Variants in DNAH6 observed in about 807,000 individuals in gnomAD.
DNAH6 encodes dynein axonemal heavy chain 6.
A neutral mutation model predicts 491.4 loss-of-function variants in DNAH6; 340 were observed. That is an observed-to-expected ratio of 0.69 (90% CI 0.63 to 0.76). The LOEUF (loss-of-function observed/expected upper bound fraction) is 0.76, where lower values mean the gene tolerates loss of function less well. Ranked by LOEUF, DNAH6 falls within the 30% of genes least tolerant of loss-of-function variation. The probability of loss-of-function intolerance (pLI) is 0.00; values close to 1 mark genes in which losing one functional copy is unlikely to be tolerated. For synonymous variants in DNAH6, 1,603 were observed against 1,686.1 expected (o/e 0.95, Z 1.21); for missense variants, 4,443 against 4,972.2 (o/e 0.89, Z 3.20).
At chr2:84,461,365 T>C in the DNAH6 span, among the ~76,000 whole-genome samples, 1 of 152,216 alleles carries the variant, frequency 6.6e-6, no homozygotes, top group South Asian at 2.1e-4. Context: ...CATCTCATTA[T>C]TGGGCCACAA....
chr2:84,817,376 C>T (rs1041845926), intron 76 of DNAH6, among the ~76,000 whole-genome samples: 1 of 152,198 alleles, frequency 6.6e-6, no homozygotes, highest in Non-Finnish European at 1.5e-5. Context: ...GAATTCAAAA[C>T]ACAACCAAAC....
rs201757444 is a variant in DNAH6, at chr2:84,801,902, AAAAG to A, written c.11482-3754_11482-3751del. On this transcript the variant is annotated intron_variant, in intron 70 of 76. Transcript: ENST00000389394. ...CTGAAAAAAAAAAAAAGAAAAGAAA[AAAAG>A]AAAGAAAGGGAAGGGAAGGGATTCC... Among the ~76,000 whole-genome samples, 1,149 of 151,930 alleles carry A rather than the reference AAAAG, an allele frequency of 7.6e-3. 11 individuals are homozygous for A. The highest frequency in any genetic ancestry group is 0.024 in the African/African-American group (993 of 41,394).
chr2:84,726,792 AT>A (rs1698684290), intron 60 of DNAH6, among the ~76,000 whole-genome samples: 1 of 152,102 alleles, frequency 6.6e-6, no homozygotes, highest in Non-Finnish European at 1.5e-5. Context: ...AAAAAATAAA[AT>A]AAAAAATAAA....
chr2:84,787,439 T>G (rs1677313663), intron 68 of DNAH6, 137 bp downstream of exon 68: 11 of 629,030 alleles, frequency 1.7e-5, no homozygotes. Flanking sequence ...GTTCCTTGTG[T>G]GAAGACAAGA....
At chr2:84,751,358 T>C (rs1673452783) in intron 63 of DNAH6, 1 of 152,252 alleles carries the variant, frequency 6.6e-6, no homozygotes, top group South Asian at 2.1e-4. Context: ...GGGTGACCAG[T>C]GCCTCTATAT....
At position 84,668,459 on chromosome 2, in the gene DNAH6, G is replaced by C. The variant is rs78516583; in HGVS notation, c.6085-830G>C. ...GGATGAAACTTCTGAAATGCAGTCT[G>C]ATTATGTTACCTACCTGCTTAGAAT... On this transcript the variant is annotated intron_variant, in intron 37 of 76. Transcript: ENST00000389394. Among the ~76,000 whole-genome samples, 260 of 152,296 alleles carry C rather than the reference G, an allele frequency of 1.7e-3. 1 individual carries two copies. The highest frequency in any genetic ancestry group is 5.9e-3 in the African/African-American group (244 of 41,560).
rs1283495862 is a variant in DNAH6, at chr2:84,709,508, G to A, written c.9214G>A (p.Gly3072Ser). 3 of 1,551,708 alleles carry A rather than the reference G, an allele frequency of 1.9e-6. No individual in the cohort carries two copies. Among genetic ancestry groups the A allele is most frequent in the Non-Finnish European group, 8.7e-7 (1 of 1,147,000 alleles). Residue 3072 changes from glycine (G) to serine (S), a missense_variant, in exon 55 of 77, where the codon GGC (glycine) becomes AGC (serine). Around this residue, in one of 3 missense-constraint regions of DNAH6, gnomAD observed 1,463 missense variants for 1,656.6 expected, o/e 0.88. Transcript: ENST00000389394. ...AGAAAATGGCATTTTGGTTACTCAAGGCAGAAGATGGCCTTTGATGATTGA... is the reference window on the plus strand; with the variant it reads ...AGAAAATGGCATTTTGGTTACTCAAAGCAGAAGATGGCCTTTGATGATTGA... ...STENGILVTQ[G>S]RRWPLMIDPQ...
intron 68 of DNAH6, among the ~76,000 whole-genome samples, chr2:84,787,822 T>C (rs1315083031): frequency 1.3e-5 from 2 of 152,192 alleles, no homozygotes; most frequent in African/African-American, 2.4e-5. Context: ...CTTTCAGGAA[T>C]TAAATTTTTG....
chr2:84,751,339 G>A (rs1020146621), intron 63 of DNAH6: 9 of 152,254 alleles, frequency 5.9e-5, no homozygotes, highest in African/African-American at 1.7e-4. Context: ...TTCACAAGCG[G>A]AGCTTATTGG....
chr2:84,494,448 A>G, the DNAH6 span, among the ~76,000 whole-genome samples: 1 of 152,204 alleles, frequency 6.6e-6, no homozygotes, highest in African/African-American at 2.4e-5. Flanking sequence ...CGAAAATCCC[A>G]CTTTCAGTCC....
At chr2:84,607,845 T>C (rs1376726880) in intron 21 of DNAH6, among the ~76,000 whole-genome samples, 1 of 152,144 alleles carries the variant, frequency 6.6e-6, no homozygotes, top group East Asian at 1.9e-4. Flanking sequence ...AAGACAACAA[T>C]GAAGTTTGCC....
chr2:84,508,327 T>C, the DNAH6 span, among the ~76,000 whole-genome samples: 1 of 152,270 alleles, frequency 6.6e-6, no homozygotes, highest in African/African-American at 2.4e-5. Context: ...TTTATCCATT[T>C]CTTCTAGATT....
At chr2:84,506,853 G>T in the DNAH6 span, among the ~76,000 whole-genome samples, 2 of 151,932 alleles carry the variant, frequency 1.3e-5, no homozygotes, top group Non-Finnish European at 2.9e-5. Flanking sequence ...TTTTTCTCAG[G>T]TTTGTCAAAG....
intron 10 of DNAH6, among the ~76,000 whole-genome samples, chr2:84,554,141 G>A (rs1679791601): frequency 6.6e-6 from 1 of 152,156 alleles, no homozygotes; most frequent in Non-Finnish European, 1.5e-5. Flanking sequence ...TTCTTCAAGG[G>A]CAGATGGACC....
intron 37 of DNAH6, among the ~76,000 whole-genome samples, chr2:84,667,877 G>A (rs1692318017): frequency 6.6e-6 from 1 of 152,154 alleles, no homozygotes; most frequent in Admixed American, 6.5e-5. Flanking sequence ...AAGAAAATGT[G>A]GCACATATAC....
intron 22 of DNAH6, among the ~76,000 whole-genome samples, chr2:84,613,151 G>GTA (rs200607795): frequency 1.6e-4 from 25 of 152,046 alleles, no homozygotes; most frequent in African/African-American, 5.6e-4. Flanking sequence ...GAGAGTGTGT[G>GTA]TGTGTGTGTG....
At chr2:84,662,675 G>A (rs1357999831) in intron 37 of DNAH6, among the ~76,000 whole-genome samples, 1 of 152,198 alleles carries the variant, frequency 6.6e-6, no homozygotes, top group Non-Finnish European at 1.5e-5. Context: ...CACCTCTGGG[G>A]GCAGGGCATA....
chr2:84,640,264 G>A (rs925711869), intron 31 of DNAH6, among the ~76,000 whole-genome samples, 166 bp from the exon 32 acceptor site: 10 of 152,166 alleles, frequency 6.6e-5, no homozygotes, highest in Non-Finnish European at 1.3e-4. Flanking sequence ...CCCGTTTCCT[G>A]TGGCACAGAA....
At chr2:84,625,194 G>T (rs981688003) in intron 29 of DNAH6, 131 bp downstream of exon 29, 3 of 869,278 alleles carry the variant, frequency 3.5e-6, no homozygotes, top group Non-Finnish European at 4.9e-6. Context: ...GTAAATAATG[G>T]TTAAAGTGGA....
Sources: allele counts gnomAD v4.1 joint callset (sites outside exome capture counted in the v4.1 genomes callset), GRCh38; gene constraint gnomAD v4.1.1; regional missense constraint gnomAD v4.1.1; transcripts MANE v1.5; gene names NCBI Gene and HGNC (gene_info 2026-07-23, HGNC 2026-07-21).